PDE1A: variants seen among roughly 807,000 people sequenced by gnomAD.
PDE1A encodes dual specificity calcium/calmodulin-dependent 3',5'-cyclic nucleotide phosphodiesterase 1A.
PDE1A carries 35 observed loss-of-function variants against 61.7 expected under a neutral mutation model. The observed-to-expected ratio is 0.57, with a 90% confidence interval of 0.43 to 0.75. The LOEUF (loss-of-function observed/expected upper bound fraction) is 0.75, where lower values mean the gene tolerates loss of function less well. Among genes scored for constraint, PDE1A ranks in the 30% least tolerant of loss-of-function variants. The pLI, the probability that PDE1A is intolerant of heterozygous loss-of-function variation, is 0.00. For synonymous variants in PDE1A, 232 were observed against 213.2 expected, an observed-to-expected ratio of 1.09 and a Z score of -0.77; for missense variants, 597 against 630.6, an observed-to-expected ratio of 0.95 and a Z score of 0.57.
chr2:182,363,342 G>A (rs749708555), intron 1 of PDE1A, among the ~76,000 whole-genome samples: 41 of 151,898 alleles, frequency 2.7e-4, no homozygotes, highest in Non-Finnish European at 4.4e-4. Context: ...AAGACATTAC[G>A]TTCTACTGGA....
chr2:182,447,724 T>C (rs1287250027), intron 2 of PDE1A, among the ~76,000 whole-genome samples: 1 of 152,114 alleles, frequency 6.6e-6, no homozygotes, highest in African/African-American at 2.4e-5. Context: ...CACTTTCTAC[T>C]ATGTATTATA....
At chr2:182,394,866 A>T (rs1387028884) in intron 1 of PDE1A, among the ~76,000 whole-genome samples, 1 of 152,226 alleles carries the variant, frequency 6.6e-6, no homozygotes, top group African/African-American at 2.4e-5. Context: ...CTAGAAAAAC[A>T]GTAAATCAAA....
At chr2:182,233,898 T>C (rs1167584887) in intron 4 of PDE1A, among the ~76,000 whole-genome samples, 4 of 152,066 alleles carry the variant, frequency 2.6e-5, no homozygotes, top group Non-Finnish European at 4.4e-5. Flanking sequence ...GCGCTGCAAT[T>C]GGGCCTTAGA....
chr2:182,269,344 T>C (rs61337538), intron 1 of PDE1A, among the ~76,000 whole-genome samples: 2,275 of 151,684 alleles, frequency 0.015, 50 homozygotes, highest in African/African-American at 0.051. Flanking sequence ...CAAAATTAGC[T>C]GGGTGTGGTG....
the PDE1A span, among the ~76,000 whole-genome samples, chr2:182,547,146 C>G: frequency 6.6e-6 from 1 of 152,094 alleles, no homozygotes; most frequent in Admixed American, 6.5e-5. Context: ...CAAAAAAGAG[C>G]CTTCATTAAC....
chr2:182,426,652 C>T, exon 1 of PDE1A: 8 of 1,612,388 alleles, frequency 5.0e-6, no homozygotes, highest in Non-Finnish European at 5.9e-6. Context: ...GGTTTAACTT[C>T]TTCCTGGAAA....
chr2:182,421,263 T>C (rs1320948372), intron 1 of PDE1A, among the ~76,000 whole-genome samples: 2 of 152,166 alleles, frequency 1.3e-5, no homozygotes, highest in Admixed American at 6.5e-5. Context: ...TTTCTAAATC[T>C]TACCAATGTC....
intron 1 of PDE1A, among the ~76,000 whole-genome samples, chr2:182,278,841 A>G (rs189872988): frequency 6.6e-6 from 1 of 152,134 alleles, no homozygotes; most frequent in Admixed American, 6.6e-5. Context: ...GAATATGTGA[A>G]GTTCTTTTTA....
the PDE1A span, among the ~76,000 whole-genome samples, chr2:182,707,980 G>A: frequency 2.6e-5 from 4 of 152,082 alleles, no homozygotes; most frequent in Non-Finnish European, 4.4e-5. Context: ...ATAATTTATT[G>A]CATATTTTCA....
downstream of PDE1A, among the ~76,000 whole-genome samples, chr2:182,164,559 C>T (rs1485503401): frequency 6.6e-6 from 1 of 152,098 alleles, no homozygotes; most frequent in African/African-American, 2.4e-5. Context: ...GGATACCAGT[C>T]AGCCTCCTCC....
chr2:182,439,701 C>T (rs932856376), intron 2 of PDE1A, among the ~76,000 whole-genome samples: 6 of 151,946 alleles, frequency 3.9e-5, no homozygotes, highest in South Asian at 4.1e-4. Context: ...GTTCTGAAAC[C>T]AAGAAAACCT....
chr2:182,538,338 T>C, the PDE1A span, among the ~76,000 whole-genome samples: 1 of 152,138 alleles, frequency 6.6e-6, no homozygotes, highest in Non-Finnish European at 1.5e-5. Flanking sequence ...TACAGAAATA[T>C]AGAACAGTGT....
At chr2:182,705,236 G>C in the PDE1A span, among the ~76,000 whole-genome samples, 2 of 152,112 alleles carry the variant, frequency 1.3e-5, no homozygotes, top group Non-Finnish European at 2.9e-5. Context: ...AAATATGGCA[G>C]CTCACGTAGC....
the PDE1A span, among the ~76,000 whole-genome samples, chr2:182,632,735 T>C: frequency 6.6e-6 from 1 of 152,184 alleles, no homozygotes; most frequent in South Asian, 2.1e-4. Flanking sequence ...TCAAATTACA[T>C]TTTGAAAAGA....
downstream of PDE1A, among the ~76,000 whole-genome samples, chr2:182,144,092 A>T (rs542328948): frequency 3.3e-5 from 5 of 152,330 alleles, no homozygotes; most frequent in East Asian, 9.6e-4. Context: ...AGATATTTTA[A>T]ATCAGTGTGA....
intron 2 of PDE1A, among the ~76,000 whole-genome samples, chr2:182,248,621 GC>G (rs1157627532): frequency 6.6e-6 from 1 of 152,152 alleles, no homozygotes; most frequent in Non-Finnish European, 1.5e-5. Context: ...GAAGGAGGCG[GC>G]CACGGAAGGA....
intron 1 of PDE1A, among the ~76,000 whole-genome samples, chr2:182,308,408 T>A (rs1042999320): frequency 6.6e-6 from 1 of 152,142 alleles, no homozygotes; most frequent in Non-Finnish European, 1.5e-5. Flanking sequence ...ATAAAATACA[T>A]TGCTGTAAAT....
At chr2:182,186,489 G>A (rs553030991) in exon 12 of PDE1A, 45 of 1,612,742 alleles carry the variant, frequency 2.8e-5, no homozygotes, top group Non-Finnish European at 3.6e-5. Context: ...ATAGGAAGAA[G>A]TTTCGGCTTT....
chr2:182,468,919 T>C (rs185790383), intron 2 of PDE1A, among the ~76,000 whole-genome samples: 39 of 152,106 alleles, frequency 2.6e-4, no homozygotes, highest in African/African-American at 8.7e-4. Flanking sequence ...TGAATCCTTT[T>C]CTCTGAGCAG....
Sources: gnomAD v4.1 joint callset for allele counts (sites outside exome capture counted in the v4.1 genomes callset) on GRCh38, gnomAD v4.1.1 for gene constraint, MANE v1.5 for transcripts, NCBI Gene and HGNC (gene_info 2026-07-23, HGNC 2026-07-21) for gene names.